AOAH: variants seen among roughly 807,000 people sequenced by gnomAD.
The protein encoded by AOAH is acyloxyacyl hydrolase (neutrophil).
In AOAH, 64 loss-of-function variants were observed where a neutral mutation model predicts 92.2. The observed-to-expected ratio is 0.69, with a 90% CI of 0.57 to 0.86. The LOEUF is 0.86. Among genes scored for constraint, AOAH ranks in the 40% least tolerant of loss-of-function variants. AOAH has a pLI of 0.00. For missense variants in AOAH, 656 were observed against 694.6 expected (o/e 0.94, Z 0.62); for synonymous variants, 263 against 254.5 (o/e 1.03, Z -0.32).
At chr7:36,581,705 T>C (rs1179913132) in intron 12 of AOAH, among the ~76,000 whole-genome samples, 3 of 152,182 alleles carry the variant, frequency 2.0e-5, no homozygotes, top group Non-Finnish European at 2.9e-5. Context: ...GTAAATAGTG[T>C]AGGTATTAAT....
At chr7:36,713,797 T>C (rs1455603319) in intron 1 of AOAH, among the ~76,000 whole-genome samples, 2 of 152,136 alleles carry the variant, frequency 1.3e-5, no homozygotes, top group Non-Finnish European at 2.9e-5. Context: ...AGACACAACA[T>C]ACCAGAATCT....
intron 9 of AOAH, 30 bp downstream of exon 9, chr7:36,620,751 A>C: frequency 6.2e-7 from 1 of 1,610,328 alleles, no homozygotes; most frequent in South Asian, 1.1e-5. Flanking sequence ...ACAAAGGAGA[A>C]TGGGGTTCAA....
chr7:36,655,996 A>G (rs1794861212), intron 4 of AOAH, among the ~76,000 whole-genome samples: 1 of 152,146 alleles, frequency 6.6e-6, no homozygotes, highest in South Asian at 2.1e-4. Context: ...AACGATGGGG[A>G]GGAATAATCC....
intron 13 of AOAH, chr7:36,550,363 A>G (rs1044554280): frequency 5.3e-5 from 8 of 152,160 alleles, no homozygotes; most frequent in Non-Finnish European, 1.2e-4. Context: ...TCTCAAAAAA[A>G]AAAAAAAGAA....
intron 7 of AOAH, among the ~76,000 whole-genome samples, chr7:36,622,573 A>C (rs1349307885): frequency 6.6e-6 from 1 of 152,212 alleles, no homozygotes; most frequent in African/African-American, 2.4e-5. Context: ...GCACACACAC[A>C]CACACGTTAA....
intron 3 of AOAH, among the ~76,000 whole-genome samples, chr7:36,671,184 C>A (rs867637690): frequency 6.6e-6 from 1 of 152,148 alleles, no homozygotes. Flanking sequence ...GCTTTCTTCA[C>A]AGCAATCTAG....
At chr7:36,524,883 G>T (rs1784321691) in intron 19 of AOAH, among the ~76,000 whole-genome samples, 1 of 151,858 alleles carries the variant, frequency 6.6e-6, no homozygotes, top group African/African-American at 2.4e-5. Context: ...AATTTTTGTT[G>T]TTTATAAGCC....
intron 11 of AOAH, among the ~76,000 whole-genome samples, chr7:36,601,306 A>G (rs1162725290): frequency 1.3e-5 from 2 of 152,172 alleles, no homozygotes; most frequent in Non-Finnish European, 2.9e-5. Context: ...TATTGAGGGA[A>G]AGTCCCTGTG....
At chr7:36,631,888 G>T in intron 6 of AOAH, 148 bp downstream of exon 6, 1 of 639,828 alleles carries the variant, frequency 1.6e-6, no homozygotes, top group Non-Finnish European at 2.7e-6. Context: ...TTTGTCTTTT[G>T]GTTTCTGTGC....
intron 13 of AOAH, among the ~76,000 whole-genome samples, chr7:36,575,819 T>C (rs1157093336): frequency 1.3e-5 from 2 of 152,354 alleles, no homozygotes; most frequent in East Asian, 1.9e-4. Context: ...TAATTAGAGA[T>C]AGCACAGGGA....
In AOAH at chr7:36,566,889, CA is replaced by C. The variant is rs1490669550; in HGVS notation, c.1021+9684del. On this transcript the variant is annotated intron_variant, in intron 13 of 20. Coordinates refer to ENST00000617537, the MANE Select transcript of AOAH (RefSeq NM_001637.4). Reference sequence around the variant, plus strand: ...TACGTGCAGTGATCTCGGCTCACTGCAACTTCTGCCTCCCGGGTTCCAGCGA... The same window carrying C: ...TACGTGCAGTGATCTCGGCTCACTGCACTTCTGCCTCCCGGGTTCCAGCGA... 2.0e-5 allele frequency among the ~76,000 whole-genome samples: 3 copies of C among 152,274 alleles called. No individual in the cohort carries two copies. The East Asian group carries it at 5.8e-4, about 29-fold the overall frequency.
chr7:36,603,676 T>C (rs1790772220), intron 11 of AOAH, among the ~76,000 whole-genome samples: 1 of 152,220 alleles, frequency 6.6e-6, no homozygotes, highest in South Asian at 2.1e-4. Context: ...TGTGTTCCAA[T>C]GAAACTTAGT....
At chr7:36,669,250 C>T (rs914740709) in intron 3 of AOAH, among the ~76,000 whole-genome samples, 1 of 151,994 alleles carries the variant, frequency 6.6e-6, no homozygotes, top group African/African-American at 2.4e-5. Flanking sequence ...ACTGGAAGAT[C>T]TTCTTCATAT....
At chr7:36,531,065 C>G (rs2392443) in intron 18 of AOAH, among the ~76,000 whole-genome samples, 2 of 151,932 alleles carry the variant, frequency 1.3e-5, no homozygotes, top group Admixed American at 6.5e-5. Flanking sequence ...AATATAGTCA[C>G]GTATAAACTT....
At chr7:36,703,900 G>A (rs923654922) in intron 1 of AOAH, among the ~76,000 whole-genome samples, 10 of 152,118 alleles carry the variant, frequency 6.6e-5, no homozygotes, top group Non-Finnish European at 1.5e-5. Context: ...CTCCCACAAT[G>A]GTTGTACTAA....
chr7:36,695,192 C>T (rs543520096), intron 1 of AOAH, among the ~76,000 whole-genome samples: 237 of 152,120 alleles, frequency 1.6e-3, no homozygotes, highest in African/African-American at 5.5e-3. Context: ...ACCAAAATAC[C>T]AAAATATCAA....
intron 9 of AOAH, among the ~76,000 whole-genome samples, chr7:36,619,359 C>G (rs567360029): frequency 6.6e-6 from 1 of 152,248 alleles, no homozygotes; most frequent in Admixed American, 6.5e-5. Context: ...TGCATCTTGC[C>G]TCCCTGAGCT....
At chr7:36,520,444 G>A (rs376668091) in intron 20 of AOAH, among the ~76,000 whole-genome samples, 22 of 152,204 alleles carry the variant, frequency 1.4e-4, no homozygotes, top group African/African-American at 3.6e-4. Flanking sequence ...AGTGGCTCAC[G>A]CCTGTAATCC....
chr7:36,673,726 A>G (rs890833454), intron 3 of AOAH, among the ~76,000 whole-genome samples: 7 of 152,160 alleles, frequency 4.6e-5, no homozygotes, highest in African/African-American at 1.7e-4. Flanking sequence ...ACCCAAGTAC[A>G]GGTTACCACA....
Sources: allele counts gnomAD v4.1 joint callset (sites outside exome capture counted in the v4.1 genomes callset), GRCh38; gene constraint gnomAD v4.1.1; transcripts MANE v1.5; gene names NCBI Gene and HGNC (gene_info 2026-07-23, HGNC 2026-07-21).